The following STAG1 variants were observed in gnomAD, a reference collection of about 807,000 sequenced individuals.
STAG1 encodes STAG1 cohesin complex component.
STAG1 carries 26 observed loss-of-function variants against 170.9 expected under a neutral mutation model. The ratio of observed to expected loss-of-function variants is 0.15; its 90% CI spans 0.11 to 0.21. STAG1 has a LOEUF of 0.21. Ranked by LOEUF, STAG1 falls within the 10% of genes least tolerant of loss-of-function variation. STAG1 has a pLI of 1.00. For missense variants in STAG1, 964 were observed against 1,509.5 expected (o/e 0.64, Z 5.99); for synonymous variants, 514 against 497.7 (o/e 1.03, Z -0.44).
At chr3:136,469,956 C>A (rs2089580116) in intron 12 of STAG1, among the ~76,000 whole-genome samples, 2 of 152,170 alleles carry the variant, frequency 1.3e-5, no homozygotes. Context: ...AACTGGATCC[C>A]TTCCTTACAC....
chr3:136,420,605 C>A (rs2087924541), intron 20 of STAG1, among the ~76,000 whole-genome samples: 2 of 152,138 alleles, frequency 1.3e-5, no homozygotes, highest in African/African-American at 4.8e-5. Flanking sequence ...TTACTGAGAT[C>A]AGATCTCACT....
At chr3:136,576,900 T>A (rs1444476635) in intron 4 of STAG1, among the ~76,000 whole-genome samples, 2 of 152,214 alleles carry the variant, frequency 1.3e-5, no homozygotes, top group Admixed American at 1.3e-4. Context: ...ATTCGTTTGC[T>A]TTGGAGAAAG....
chr3:136,412,532 G>C (rs1227106404), intron 21 of STAG1, among the ~76,000 whole-genome samples: 3 of 152,214 alleles, frequency 2.0e-5, no homozygotes, highest in Admixed American at 2.0e-4. Flanking sequence ...ACTTTAGTCA[G>C]TGATCAGAGT....
chr3:136,420,821 C>T (rs149291306), intron 20 of STAG1, among the ~76,000 whole-genome samples: 132 of 152,340 alleles, frequency 8.7e-4, no homozygotes, highest in African/African-American at 3.1e-3. Context: ...GTTGCCCAGG[C>T]TAGAGTGCAG....
chr3:136,465,724 C>A (rs2089436533), intron 12 of STAG1, among the ~76,000 whole-genome samples: 1 of 151,820 alleles, frequency 6.6e-6, no homozygotes, highest in African/African-American at 2.4e-5. Flanking sequence ...ACATATTAGA[C>A]CAACACAAAA....
chr3:136,543,602 A>G (rs1223068555), intron 5 of STAG1, among the ~76,000 whole-genome samples: 2 of 152,198 alleles, frequency 1.3e-5, no homozygotes, highest in African/African-American at 4.8e-5. Context: ...AGTAAGACAT[A>G]GTAGGGTTTC....
chr3:136,606,873 C>T (rs769949395), intron 3 of STAG1, among the ~76,000 whole-genome samples: 26 of 151,648 alleles, frequency 1.7e-4, no homozygotes, highest in Non-Finnish European at 2.5e-4. Flanking sequence ...CTCAGCCTCC[C>T]GAGTAGCTGA....
chr3:136,689,670 A>G (rs1228518681), intron 1 of STAG1, among the ~76,000 whole-genome samples: 1 of 152,272 alleles, frequency 6.6e-6, no homozygotes, highest in East Asian at 1.9e-4. Context: ...CAGTGGGACG[A>G]CAGAGATCTG....
chr3:136,607,192 T>C (rs1046831188), intron 3 of STAG1, among the ~76,000 whole-genome samples: 2 of 152,178 alleles, frequency 1.3e-5, no homozygotes, highest in African/African-American at 4.8e-5. Context: ...CTTTCCATAG[T>C]GTACCCTTCA....
chr3:136,417,732 T>C (rs1469944779), intron 21 of STAG1, 153 bp downstream of exon 21: 1 of 626,304 alleles, frequency 1.6e-6, no homozygotes, highest in Non-Finnish European at 2.8e-6. Flanking sequence ...CACCTATCAA[T>C]AACATTTAAT....
At chr3:136,356,057 GTTT>G (rs77325026) in intron 28 of STAG1, among the ~76,000 whole-genome samples, 5 of 134,840 alleles carry the variant, frequency 3.7e-5, no homozygotes, top group Admixed American at 1.5e-4. Context: ...TTGTCTGCCT[GTTT>G]TTTTTTTTTT....
At chr3:136,445,110 C>T (rs2088741621) in intron 14 of STAG1, among the ~76,000 whole-genome samples, 1 of 150,988 alleles carries the variant, frequency 6.6e-6, no homozygotes. Flanking sequence ...TAATGCTCTG[C>T]CTCTTCTGAC....
At chr3:136,479,165 G>A (rs1347868775) in intron 9 of STAG1, among the ~76,000 whole-genome samples, 1 of 145,546 alleles carries the variant, frequency 6.9e-6, no homozygotes, top group Non-Finnish European at 1.5e-5. Flanking sequence ...CCATGCTGGT[G>A]CGCTGCACCC....
At chr3:136,376,312 AT>A (rs1317355577) in intron 23 of STAG1, among the ~76,000 whole-genome samples, 1 of 152,190 alleles carries the variant, frequency 6.6e-6, no homozygotes, top group Non-Finnish European at 1.5e-5. Flanking sequence ...GTACTCCCCA[AT>A]ACAACAGTCT....
intron 1 of STAG1, among the ~76,000 whole-genome samples, chr3:136,743,859 T>C (rs1165979435): frequency 6.6e-6 from 1 of 152,148 alleles, no homozygotes; most frequent in East Asian, 1.9e-4. Flanking sequence ...ACAAAAGGGA[T>C]ACATAATACA....
intron 9 of STAG1, among the ~76,000 whole-genome samples, chr3:136,479,015 G>C (rs1406178428): frequency 6.7e-6 from 1 of 149,516 alleles, no homozygotes; most frequent in Non-Finnish European, 1.5e-5. Flanking sequence ...AATTCTACCT[G>C]GCATCCATTA....
At chr3:136,439,806 C>A (rs535589317) in intron 15 of STAG1, among the ~76,000 whole-genome samples, 6 of 152,308 alleles carry the variant, frequency 3.9e-5, no homozygotes, top group Admixed American at 3.9e-4. Flanking sequence ...TTCTCAGACT[C>A]TGCCTACCTA....
At chr3:136,382,147 G>A (rs1938002820) in intron 22 of STAG1, among the ~76,000 whole-genome samples, 1 of 152,136 alleles carries the variant, frequency 6.6e-6, no homozygotes, top group Admixed American at 6.6e-5. Flanking sequence ...AGTTACTAAT[G>A]TTCCTTTACT....
At chr3:136,734,681 A>G (rs1180973028) in intron 1 of STAG1, among the ~76,000 whole-genome samples, 1 of 151,914 alleles carries the variant, frequency 6.6e-6, no homozygotes, top group East Asian at 1.9e-4. Flanking sequence ...CATTAACCCT[A>G]TTGGTTTGTT....
Sources: allele counts gnomAD v4.1 joint callset (sites outside exome capture counted in the v4.1 genomes callset), GRCh38; gene constraint gnomAD v4.1.1; transcripts MANE v1.5; gene names NCBI Gene and HGNC (gene_info 2026-07-23, HGNC 2026-07-21).